DCC: variants seen among roughly 807,000 people sequenced by gnomAD.
DCC encodes netrin receptor DCC.
In DCC, 58 loss-of-function variants were observed where a neutral mutation model predicts 172.5. The ratio of observed to expected loss-of-function variants is 0.34; its 90% CI spans 0.27 to 0.42. The LOEUF (loss-of-function observed/expected upper bound fraction) is 0.42. Among genes scored for constraint, DCC ranks in the 10% least tolerant of loss-of-function variants. The pLI, the probability that DCC is intolerant of heterozygous loss-of-function variation, is 1.00. For missense variants in DCC, 1,740 were observed against 1,791.0 expected, an observed-to-expected ratio of 0.97 and a Z score of 0.51; for synonymous variants, 709 against 644.5, an observed-to-expected ratio of 1.10 and a Z score of -1.52.
intron 5 of DCC, among the ~76,000 whole-genome samples, chr18:52,996,372 G>A (rs36102648): frequency 0.14 from 20,680 of 151,850 alleles, 1,736 homozygotes; most frequent in African/African-American, 0.24. Context: ...CTTCTATTTT[G>A]GTTTAGGGGA....
At chr18:53,505,341 A>T (rs1407930632) in intron 27 of DCC, 1 of 150,070 alleles carries the variant, frequency 6.7e-6, no homozygotes, top group East Asian at 2.0e-4. Flanking sequence ...AAATTAAAAA[A>T]AATAAAGATG....
chr18:53,011,650 A>G (rs1366546084), intron 5 of DCC, among the ~76,000 whole-genome samples: 1 of 151,838 alleles, frequency 6.6e-6, no homozygotes, highest in African/African-American at 2.4e-5. Flanking sequence ...GTATTTGCAT[A>G]TGTTTAGAGA....
chr18:53,081,430 A>G (rs2042801062), intron 7 of DCC, among the ~76,000 whole-genome samples: 1 of 151,984 alleles, frequency 6.6e-6, no homozygotes, highest in Non-Finnish European at 1.5e-5. Context: ...AAACCAAACA[A>G]TGATTTAGAA....
At chr18:53,497,179 G>A (rs899487476) in intron 26 of DCC, among the ~76,000 whole-genome samples, 1 of 152,194 alleles carries the variant, frequency 6.6e-6, no homozygotes, top group Non-Finnish European at 1.5e-5. Flanking sequence ...AATAGCCACA[G>A]GAACATCATT....
chr18:53,124,916 GC>G (rs1200460721), intron 7 of DCC, among the ~76,000 whole-genome samples: 1 of 151,748 alleles, frequency 6.6e-6, no homozygotes, highest in Non-Finnish European at 1.5e-5. Flanking sequence ...GTTGCAGTGA[GC>G]TAAGATCTTG....
intron 1 of DCC, among the ~76,000 whole-genome samples, chr18:52,440,402 A>G (rs1331335652): frequency 2.0e-5 from 3 of 152,126 alleles, no homozygotes; most frequent in African/African-American, 4.8e-5. Flanking sequence ...AAGTGAGCTC[A>G]ATATTTATAG....
chr18:52,431,730 C>A (rs1178413970), intron 1 of DCC, among the ~76,000 whole-genome samples: 1 of 152,154 alleles, frequency 6.6e-6, no homozygotes, highest in East Asian at 1.9e-4. Flanking sequence ...TCCGAGGCCA[C>A]AAATGTTCCA....
intron 1 of DCC, among the ~76,000 whole-genome samples, chr18:52,590,149 G>A (rs2033767729): frequency 9.5e-6 from 1 of 105,598 alleles, no homozygotes; most frequent in South Asian, 4.4e-4. Context: ...GGTGTGCCTT[G>A]GTATAAATGG....
At chr18:53,508,365 G>GTAT (rs933930796) in intron 27 of DCC, among the ~76,000 whole-genome samples, 5 of 151,760 alleles carry the variant, frequency 3.3e-5, no homozygotes, top group African/African-American at 1.2e-4. Context: ...ACTAATTTTT[G>GTAT]TATTTTTTGC....
chr18:52,821,179 A>G (rs779951028), intron 2 of DCC, among the ~76,000 whole-genome samples: 4 of 152,144 alleles, frequency 2.6e-5, no homozygotes, highest in Non-Finnish European at 5.9e-5. Context: ...CATTCTTTCA[A>G]CATCAAACCT....
chr18:52,565,961 A>G (rs1173477266), intron 1 of DCC, among the ~76,000 whole-genome samples: 1 of 152,088 alleles, frequency 6.6e-6, no homozygotes, highest in East Asian at 1.9e-4. Context: ...GAGGGTTTGT[A>G]TGGTTTTAGG....
chr18:52,456,743 C>A (rs1261867650), intron 1 of DCC, among the ~76,000 whole-genome samples: 1 of 151,932 alleles, frequency 6.6e-6, no homozygotes, highest in East Asian at 1.9e-4. Context: ...GTGGATAGAC[C>A]CTAACTGAAG....
chr18:52,412,786 A>T (rs1020275459), intron 1 of DCC, among the ~76,000 whole-genome samples: 3 of 152,112 alleles, frequency 2.0e-5, no homozygotes, highest in African/African-American at 7.2e-5. Context: ...GTTGACTAAA[A>T]ATGTTCTTTG....
At chr18:53,239,590 TTTGA>T (rs1475735992) in intron 12 of DCC, among the ~76,000 whole-genome samples, 1 of 152,138 alleles carries the variant, frequency 6.6e-6, no homozygotes, top group Non-Finnish European at 1.5e-5. Context: ...CACTGGGCCC[TTTGA>T]TTGGTGTTTT....
chr18:52,746,965 G>A (rs2145123869), intron 1 of DCC, among the ~76,000 whole-genome samples: 1 of 151,356 alleles, frequency 6.6e-6, no homozygotes, highest in South Asian at 2.1e-4. Context: ...GGAAGTGTAA[G>A]GGGAGGAGGA....
At chr18:53,115,017 A>G (rs1227907365) in intron 7 of DCC, among the ~76,000 whole-genome samples, 2 of 151,558 alleles carry the variant, frequency 1.3e-5, no homozygotes, top group African/African-American at 4.8e-5. Context: ...ATGAACTCTT[A>G]AGGTTTTTCC....
At chr18:52,589,424 G>A (rs1051758828) in intron 1 of DCC, among the ~76,000 whole-genome samples, 3 of 152,066 alleles carry the variant, frequency 2.0e-5, no homozygotes, top group Admixed American at 6.5e-5. Flanking sequence ...TAAGCTTTTG[G>A]GTTTGTTGAA....
chr18:52,850,852 A>T (rs1417521945), intron 2 of DCC, among the ~76,000 whole-genome samples: 1 of 152,120 alleles, frequency 6.6e-6, no homozygotes, highest in Admixed American at 6.5e-5. Context: ...AATGCATTGT[A>T]AATCTAGAGG....
rs2057525154 is a variant in DCC at position 53,331,103 on chromosome 18, A to AT, written c.2165-8604dup. Among the ~76,000 whole-genome samples, 2 of 152,184 alleles carry AT rather than the reference A, an allele frequency of 1.3e-5. 1 individual carries two copies. The highest frequency in any genetic ancestry group is 4.1e-4 in the South Asian group (2 of 4,828). ...AGAAACATCCATTGCTCTCTGTTGT[A>AT]TTTTTTCATAAATGTAGAATGCATC... On this transcript the variant is annotated intron_variant, in intron 14 of 28. Transcript: ENST00000442544.
Sources: gnomAD v4.1 joint callset for allele counts (sites outside exome capture counted in the v4.1 genomes callset) on GRCh38, gnomAD v4.1.1 for gene constraint, MANE v1.5 for transcripts, NCBI Gene and HGNC (gene_info 2026-07-23, HGNC 2026-07-21) for gene names.